ST3GAL3: variants seen among roughly 807,000 people sequenced by gnomAD.
ST3GAL3 encodes the protein ST3 beta-galactoside alpha-2,3-sialyltransferase 3.
A neutral mutation model predicts 50.1 loss-of-function variants in ST3GAL3; 21 were observed. That is an observed-to-expected ratio of 0.42 (90% CI 0.30 to 0.60). The LOEUF is 0.60. ST3GAL3 is among the 20% of genes least tolerant of loss of function. The probability of loss-of-function intolerance (pLI) is 0.19; values close to 1 mark genes in which losing one functional copy is unlikely to be tolerated. For synonymous variants in ST3GAL3, 183 were observed against 190.0 expected (o/e 0.96, Z 0.30); for missense variants, 353 against 489.4 (o/e 0.72, Z 2.63).
intron 11 of ST3GAL3, among the ~76,000 whole-genome samples, chr1:43,926,418 T>C (rs1450574401): frequency 5.9e-5 from 9 of 152,064 alleles, no homozygotes; most frequent in African/African-American, 2.4e-5. Context: ...GGAGAAACCC[T>C]GTCTCTACTG....
intron 3 of ST3GAL3, among the ~76,000 whole-genome samples, chr1:43,792,601 A>T (rs575554845): frequency 1.5e-4 from 23 of 152,120 alleles, no homozygotes; most frequent in Non-Finnish European, 3.1e-4. Context: ...TGCACACCCC[A>T]TATATTCAAA....
intron 1 of ST3GAL3, among the ~76,000 whole-genome samples, chr1:43,712,212 A>G (rs1665119386): frequency 6.6e-6 from 1 of 152,228 alleles, no homozygotes; most frequent in Middle Eastern, 3.2e-3. Context: ...GTAAGCACTC[A>G]TGATCACAGT....
chr1:43,817,554 T>TC (rs1404866040), intron 4 of ST3GAL3, among the ~76,000 whole-genome samples: 4 of 107,276 alleles, frequency 3.7e-5, no homozygotes, highest in Non-Finnish European at 5.9e-5. Context: ...TTCTTCTTCT[T>TC]CTCCTTCTTC....
chr1:43,721,638 C>G (rs566837936), intron 1 of ST3GAL3, among the ~76,000 whole-genome samples: 71 of 150,482 alleles, frequency 4.7e-4, no homozygotes, highest in Middle Eastern at 3.5e-3. Flanking sequence ...GAGTTTCGCT[C>G]TTGTCCAGGC....
chr1:43,804,540 G>A (rs546425642), intron 3 of ST3GAL3, among the ~76,000 whole-genome samples: 1 of 152,144 alleles, frequency 6.6e-6, no homozygotes, highest in Non-Finnish European at 1.5e-5. Flanking sequence ...GACTCAGGAA[G>A]TCTTTGTGGA....
At chr1:43,838,508 C>G (rs575128508) in intron 5 of ST3GAL3, 197 bp downstream of exon 5, 4 of 591,556 alleles carry the variant, frequency 6.8e-6, no homozygotes, top group African/African-American at 5.5e-5. Context: ...CATCCTGCCT[C>G]TGGAGCTTGC....
chr1:43,923,091 A>C (rs980555046), intron 11 of ST3GAL3, among the ~76,000 whole-genome samples: 4 of 152,102 alleles, frequency 2.6e-5, no homozygotes, highest in Non-Finnish European at 5.9e-5. Flanking sequence ...TCCGTCTCAA[A>C]AAAAAGAAAA....
intron 5 of ST3GAL3, among the ~76,000 whole-genome samples, chr1:43,883,110 G>T (rs116738698): frequency 0.02 from 3,051 of 152,134 alleles, 103 homozygotes; most frequent in African/African-American, 0.07. Flanking sequence ...CTACAGGCGT[G>T]CACTACCATG....
intron 2 of ST3GAL3, among the ~76,000 whole-genome samples, chr1:43,785,354 G>C (rs959405294): frequency 1.3e-5 from 2 of 152,214 alleles, no homozygotes; most frequent in Non-Finnish European, 2.9e-5. Flanking sequence ...CAGCCTGGTG[G>C]CAGGTTCACC....
chr1:43,829,073 G>C (rs1337807713), intron 4 of ST3GAL3, among the ~76,000 whole-genome samples: 1 of 150,942 alleles, frequency 6.6e-6, no homozygotes, highest in African/African-American at 2.5e-5. Flanking sequence ...CTACTATTCA[G>C]CACTAAAAAG....
At chr1:43,848,600 T>C (rs1460267651) in intron 5 of ST3GAL3, among the ~76,000 whole-genome samples, 1 of 152,136 alleles carries the variant, frequency 6.6e-6, no homozygotes, top group African/African-American at 2.4e-5. Flanking sequence ...CCACCGTGCC[T>C]GGCTGTGGTT....
At chr1:43,820,222 CAATA>C (rs2061915564) in intron 4 of ST3GAL3, among the ~76,000 whole-genome samples, 1 of 152,086 alleles carries the variant, frequency 6.6e-6, no homozygotes, top group Non-Finnish European at 1.5e-5. Context: ...ACTCCCTATT[CAATA>C]AATGGTGTTG....
intron 1 of ST3GAL3, among the ~76,000 whole-genome samples, chr1:43,735,521 G>A (rs896396853): frequency 6.6e-6 from 1 of 152,140 alleles, no homozygotes; most frequent in South Asian, 2.1e-4. Flanking sequence ...GCCGGGAAAC[G>A]GGGGCCTTGT....
At chr1:43,803,323 TG>T (rs1274665276) in intron 3 of ST3GAL3, among the ~76,000 whole-genome samples, 5 of 151,386 alleles carry the variant, frequency 3.3e-5, no homozygotes, top group Admixed American at 3.3e-4. Flanking sequence ...GAGGATCACT[TG>T]GGCCCAGCAG....
intron 3 of ST3GAL3, 96 bp from the exon 4 acceptor site, chr1:43,814,795 G>A (rs1036112417): frequency 7.1e-6 from 8 of 1,125,018 alleles, no homozygotes; most frequent in Non-Finnish European, 1.1e-5. Flanking sequence ...TCTTTTCCAA[G>A]GGTGGTCTGT....
Position 43,917,272 on chromosome 1 carries a change from C to A in ST3GAL3, c.745-3132C>A, listed in dbSNP as rs1337707214. ...GTTAGTTTAATGTGCATTTCCTTGT[C>A]ATTAGTGAGTTAAATTTTTCCATGC... is the stretch of plus-strand genomic sequence containing the variant. On this transcript the variant is annotated intron_variant, in intron 9 of 11. Coordinates refer to ENST00000347631, the MANE Select transcript of ST3GAL3 (RefSeq NM_006279.5). Among the ~76,000 whole-genome samples the A allele has an allele frequency of 6.7e-5, 10 of 150,058 alleles. No homozygotes were observed. In the Admixed American group the frequency reaches 6.7e-4, roughly 10 times the overall value.
At chr1:43,883,777 C>T (rs2075542662) in intron 5 of ST3GAL3, among the ~76,000 whole-genome samples, 1 of 152,212 alleles carries the variant, frequency 6.6e-6, no homozygotes, top group Non-Finnish European at 1.5e-5. Context: ...CATTCTCTCT[C>T]CTTATCTTGA....
chr1:43,817,494 TCTC>T (rs1159205192), intron 4 of ST3GAL3, among the ~76,000 whole-genome samples: 38 of 149,608 alleles, frequency 2.5e-4, no homozygotes, highest in African/African-American at 8.1e-4. Flanking sequence ...TTCTTCTCCT[TCTC>T]CTCCTTTTTC....
intron 4 of ST3GAL3, among the ~76,000 whole-genome samples, chr1:43,818,499 C>T (rs367931849): frequency 1.3e-5 from 2 of 152,096 alleles, no homozygotes; most frequent in East Asian, 3.9e-4. Context: ...ACATTCCTCA[C>T]AAATAACTTT....
Sources: allele counts gnomAD v4.1 joint callset (sites outside exome capture counted in the v4.1 genomes callset), GRCh38; gene constraint gnomAD v4.1.1; transcripts MANE v1.5; gene names NCBI Gene and HGNC (gene_info 2026-07-23, HGNC 2026-07-21).